Variants in SAMMSON observed in about 807,000 individuals in gnomAD.
The protein encoded by SAMMSON is long intergenic non-protein coding RNA 1212.
chr3:70,430,225 CAT>C (rs1295852645), intron 2 of SAMMSON, among the ~76,000 whole-genome samples: 5 of 152,076 alleles, frequency 3.3e-5, no homozygotes, highest in African/African-American at 7.2e-5. Context: ...TTGAGATAAT[CAT>C]GTGGTTTTTG....
chr3:70,409,305 A>G (rs766127415), intron 2 of SAMMSON, among the ~76,000 whole-genome samples: 1 of 152,186 alleles, frequency 6.6e-6, no homozygotes, highest in East Asian at 1.9e-4. Flanking sequence ...ATAACATTCC[A>G]TCAGGATATG....
At chr3:70,086,088 T>C (rs957524279) in intron 4 of SAMMSON, among the ~76,000 whole-genome samples, 1 of 152,222 alleles carries the variant, frequency 6.6e-6, no homozygotes, top group Non-Finnish European at 1.5e-5. Flanking sequence ...AAAATTCTTA[T>C]TGGATGTGGC....
chr3:70,374,334 T>C (rs1366593575), intron 9 of SAMMSON, among the ~76,000 whole-genome samples: 3 of 152,188 alleles, frequency 2.0e-5, no homozygotes, highest in Admixed American at 6.5e-5. Flanking sequence ...GTATGATGAG[T>C]GATTTTTTAT....
intron 3 of SAMMSON, among the ~76,000 whole-genome samples, chr3:70,056,154 A>G (rs2067166629): frequency 6.6e-6 from 1 of 152,024 alleles, no homozygotes; most frequent in African/African-American, 2.4e-5. Flanking sequence ...AAAGTTAGAG[A>G]CAAAGGGCTT....
chr3:70,056,195 C>A (rs543413736), intron 3 of SAMMSON, among the ~76,000 whole-genome samples: 10 of 152,096 alleles, frequency 6.6e-5, no homozygotes, highest in Admixed American at 5.3e-4. Context: ...TTACTAATCT[C>A]AAATTTGATA....
At chr3:70,311,447 G>A (rs954451391) in intron 7 of SAMMSON, among the ~76,000 whole-genome samples, 6 of 152,124 alleles carry the variant, frequency 3.9e-5, no homozygotes, top group African/African-American at 1.4e-4. Context: ...TGGGAAGGTG[G>A]CTTCTCTAAT....
intron 3 of SAMMSON, among the ~76,000 whole-genome samples, chr3:70,037,317 G>A (rs991836184): frequency 7.2e-5 from 11 of 152,116 alleles, no homozygotes; most frequent in Non-Finnish European, 1.6e-4. Context: ...GAAGGGTCAA[G>A]CAGGGTCCTT....
chr3:70,202,271 G>A (rs1408654081), intron 4 of SAMMSON, among the ~76,000 whole-genome samples: 1 of 152,122 alleles, frequency 6.6e-6, no homozygotes, highest in African/African-American at 2.4e-5. Context: ...TCAGTGACTA[G>A]TGGTCTTTCT....
intron 3 of SAMMSON, among the ~76,000 whole-genome samples, chr3:70,047,359 C>T (rs1177506992): frequency 4.0e-5 from 6 of 149,432 alleles, no homozygotes; most frequent in South Asian, 2.1e-4. Context: ...GACAGAGTCT[C>T]GCTCTATCAC....
At chr3:70,433,927 T>A (rs1454033709) in intron 2 of SAMMSON, among the ~76,000 whole-genome samples, 1 of 152,182 alleles carries the variant, frequency 6.6e-6, no homozygotes, top group Admixed American at 6.6e-5. Flanking sequence ...AATACTTTGT[T>A]CCTTTGTCAA....
At chr3:70,345,215 T>A (rs187376692) in intron 7 of SAMMSON, among the ~76,000 whole-genome samples, 1 of 152,260 alleles carries the variant, frequency 6.6e-6, no homozygotes, top group East Asian at 1.9e-4. Context: ...TCTCAATATT[T>A]CTCACCAGTT....
At chr3:70,349,281 G>A (rs1702774404) in intron 7 of SAMMSON, among the ~76,000 whole-genome samples, 1 of 152,086 alleles carries the variant, frequency 6.6e-6, no homozygotes, top group African/African-American at 2.4e-5. Context: ...GGCTGGGGCA[G>A]GAAAATTGCT....
At chr3:70,162,711 A>G (rs928684893) in intron 4 of SAMMSON, among the ~76,000 whole-genome samples, 4 of 151,830 alleles carry the variant, frequency 2.6e-5, no homozygotes, top group African/African-American at 9.7e-5. Flanking sequence ...TAATTGTTCT[A>G]TCAGTTTCTG....
chr3:70,165,466 A>G (rs1384356655), intron 4 of SAMMSON, among the ~76,000 whole-genome samples: 1 of 151,980 alleles, frequency 6.6e-6, no homozygotes, highest in Non-Finnish European at 1.5e-5. Context: ...GAGAAGGCAC[A>G]TCTATGAACC....
chr3:70,143,473 G>C (rs2067535958), intron 4 of SAMMSON, among the ~76,000 whole-genome samples: 1 of 152,036 alleles, frequency 6.6e-6, no homozygotes, highest in Non-Finnish European at 1.5e-5. Flanking sequence ...AATGCTTTCA[G>C]TTGTCTGGCC....
chr3:70,313,780 C>T (rs1400043264), intron 7 of SAMMSON, among the ~76,000 whole-genome samples: 1 of 152,120 alleles, frequency 6.6e-6, no homozygotes, highest in Middle Eastern at 3.2e-3. Context: ...CTACCTTCAT[C>T]AGCCAATTTT....
chr3:70,128,315 A>G (rs1181832720), intron 4 of SAMMSON, among the ~76,000 whole-genome samples: 1 of 152,212 alleles, frequency 6.6e-6, no homozygotes. Flanking sequence ...TATATTACTG[A>G]TAAGTTCACC....
rs1359346455 is a variant in SAMMSON at position 70,373,760 on chromosome 3, T to C, written n.913+15436T>C. Among the ~76,000 whole-genome samples, 4 of 152,238 alleles carry C rather than the reference T, an allele frequency of 2.6e-5. No individual in the cohort carries two copies. In the East Asian group the frequency reaches 7.7e-4, roughly 29 times the overall value. On this transcript the variant is annotated intron_variant and non_coding_transcript_variant, in intron 9 of 9. Coordinates refer to ENST00000642114, the Ensembl canonical transcript of SAMMSON. ...CTATAGAGCCTATTTACTGAGTTTT[T>C]AAATTTTAGTTATTCTGTTTTTCAG... is the stretch of plus-strand genomic sequence containing the variant.
intron 3 of SAMMSON, among the ~76,000 whole-genome samples, chr3:70,042,265 A>G (rs980237021): frequency 2.0e-5 from 3 of 152,182 alleles, no homozygotes; most frequent in East Asian, 3.9e-4. Flanking sequence ...TTAAATTTCC[A>G]AAATGAGCCC....
Sources: allele counts gnomAD v4.1 joint callset (sites outside exome capture counted in the v4.1 genomes callset), GRCh38; gene constraint gnomAD v4.1.1; transcripts MANE v1.5; gene names NCBI Gene and HGNC (gene_info 2026-07-23, HGNC 2026-07-21).